CCT3: variants seen among roughly 807,000 people sequenced by gnomAD.
The protein encoded by CCT3 is chaperonin containing TCP1 subunit 3, also known as T-complex protein 1 subunit gamma.
CCT3 carries 10 observed loss-of-function variants against 65.3 expected under a neutral mutation model. The ratio of observed to expected loss-of-function variants is 0.15; its 90% CI spans 0.09 to 0.26. The LOEUF (loss-of-function observed/expected upper bound fraction) is 0.26. Ranked by LOEUF, CCT3 falls within the 10% of genes least tolerant of loss-of-function variation. The pLI, the probability that CCT3 is intolerant of heterozygous loss-of-function variation, is 1.00. For synonymous variants in CCT3, 225 were observed against 242.3 expected (o/e 0.93, Z 0.66); for missense variants, 626 against 708.7 (o/e 0.88, Z 1.33).
chr1:156,329,939 G>GA lies in CCT3; in HGVS notation c.304+3607dup, dbSNP rs758816481. 2.7e-3 allele frequency among the ~76,000 whole-genome samples: 360 copies of GA among 133,230 alleles called. 2 individuals are homozygous for GA. The highest frequency in any genetic ancestry group is 6.0e-3 in the South Asian group (25 of 4,166). 87.4% of individuals were successfully genotyped at this position (133,230 alleles called of 152,430 possible). A position where few individuals can be genotyped will look rare whatever the true frequency, so the allele number is the denominator to read the frequency against. ...GGGCGACAGTATGAAACTCTGTCTC[G>GA]AAAAAAAAAAAAGCAAAAGCCTGAG... On this transcript the variant is annotated intron_variant, in intron 5 of 13. Transcript: ENST00000295688.
intron 11 of CCT3, among the ~76,000 whole-genome samples, 182 bp downstream of exon 11, chr1:156,311,859 T>C (rs1664097794): frequency 6.6e-6 from 1 of 152,054 alleles, no homozygotes; most frequent in Admixed American, 6.6e-5. Flanking sequence ...ATTTTATGCT[T>C]ACTACAATTT....
At chr1:156,331,359 A>G (rs1438435385) in intron 5 of CCT3, among the ~76,000 whole-genome samples, 1 of 152,032 alleles carries the variant, frequency 6.6e-6, no homozygotes, top group African/African-American at 2.4e-5. Flanking sequence ...TAAGAACTTT[A>G]TTTTTAGGTA....
chr1:156,324,197 A>G, intron 6 of CCT3, among the ~76,000 whole-genome samples: 1 of 151,424 alleles, frequency 6.6e-6, no homozygotes, highest in Non-Finnish European at 1.5e-5. Context: ...CCTCCTGAAT[A>G]GCTGGGATTA....
chr1:156,333,291 C>CAAAAA (rs35038881), intron 5 of CCT3: 10 of 238,616 alleles, frequency 4.2e-5, no homozygotes, highest in South Asian at 1.9e-4. Flanking sequence ...GACTCTGTCT[C>CAAAAA]AAAAAAAAAA....
chr1:156,327,315 T>C (rs904930709), intron 5 of CCT3, among the ~76,000 whole-genome samples: 1 of 151,092 alleles, frequency 6.6e-6, no homozygotes, highest in Non-Finnish European at 1.5e-5. Flanking sequence ...TCTCCCTCTC[T>C]TTCCACGGTC....
chr1:156,310,085 T>C (rs986094738), intron 13 of CCT3, among the ~76,000 whole-genome samples: 1 of 146,372 alleles, frequency 6.8e-6, no homozygotes, highest in Non-Finnish European at 1.5e-5. Flanking sequence ...CCTAAGCAAG[T>C]GATACAGATT....
chr1:156,334,971 G>A, intron 2 of CCT3, 53 bp from the exon 3 acceptor site: 1 of 1,532,796 alleles, frequency 6.5e-7, no homozygotes, highest in Non-Finnish European at 9.0e-7. Context: ...GACAGTGTGA[G>A]AAATGTTGGA....
In CCT3 at chr1:156,337,868, G is replaced by T. The variant is rs1665507923; in HGVS notation, c.31+286C>A. ...GGCTAGAAAGGGCGCAGGGGCGGGG[G>T]AAGCGTGGGGGCTGAGGGACAGAAC... is the stretch of plus-strand genomic sequence containing the variant. On this transcript the variant is annotated intron_variant, in intron 1 of 13. Transcript: ENST00000295688. 7 of 503,482 alleles carry T rather than the reference G, an allele frequency of 1.4e-5. No homozygotes were observed. In the South Asian group the frequency reaches 2.1e-4, roughly 15 times the overall value. The allele number at this position is 503,482 out of a possible 1,614,324, so 31.2% of individuals were successfully genotyped here. A position where few individuals can be genotyped will look rare whatever the true frequency, so the allele number is the denominator to read the frequency against.
chr1:156,325,577 ATTTTTT>A (rs549653555), intron 5 of CCT3, among the ~76,000 whole-genome samples: 2 of 137,944 alleles, frequency 1.4e-5, no homozygotes, highest in African/African-American at 2.7e-5. Context: ...TATTCTTTTG[ATTTTTT>A]TTTTTTTTTT....
At chr1:156,328,884 T>C (rs1393429882) in intron 5 of CCT3, among the ~76,000 whole-genome samples, 2 of 152,162 alleles carry the variant, frequency 1.3e-5, no homozygotes, top group Middle Eastern at 3.4e-3. Flanking sequence ...AAAATGTACA[T>C]GTTATTCATT....
rs1307150850 is a variant in CCT3, at chr1:156,335,032, ATTTT to A, written c.94-118_94-115del. On this transcript the variant is annotated intron_variant, in intron 2 of 13. Coordinates refer to ENST00000295688, the MANE Select transcript of CCT3 (RefSeq NM_005998.5). ...ACCCACAGAGTCAGTGTTTTATTTT[ATTTT>A]AATTTTATTTTATTTTTAGATATGG... 6.0e-6 allele frequency: 5 copies of A among 832,514 alleles called. No individual in the cohort carries two copies. In the African/African-American group the frequency reaches 7.0e-5, roughly 12 times the overall value. The allele number at this position is 832,514 out of a possible 1,614,324, so 51.6% of individuals were successfully genotyped here.
intron 5 of CCT3, among the ~76,000 whole-genome samples, chr1:156,329,450 C>T (rs1035497260): frequency 1.4e-4 from 22 of 151,798 alleles, no homozygotes; most frequent in African/African-American, 5.3e-4. Flanking sequence ...GGACTACAGG[C>T]ACGCGCCACC....
At chr1:156,311,320 T>C (rs1664075911) in intron 11 of CCT3, 125 bp from the exon 12 acceptor site, 2 of 854,292 alleles carry the variant, frequency 2.3e-6, no homozygotes, top group African/African-American at 1.7e-5. Context: ...AAAAGGTCCT[T>C]GGAACCCCTA....
intron 5 of CCT3, among the ~76,000 whole-genome samples, chr1:156,331,003 G>A (rs1214114770): frequency 4.0e-5 from 6 of 151,890 alleles, no homozygotes; most frequent in African/African-American, 1.5e-4. Flanking sequence ...GGAGGCTGAG[G>A]CAGGTGGATC....
intron 10 of CCT3, among the ~76,000 whole-genome samples, chr1:156,315,556 G>C (rs1036101903): frequency 2.0e-5 from 3 of 152,138 alleles, no homozygotes; most frequent in East Asian, 1.9e-4. Flanking sequence ...TTATTTAAGG[G>C]AATACAGTAT....
At chr1:156,337,320 A>C in intron 1 of CCT3, 1 of 274,762 alleles carries the variant, frequency 3.6e-6, no homozygotes, top group South Asian at 2.8e-5. Context: ...AGGCAGGAGG[A>C]TCGCTTGAAC....
intron 12 of CCT3, 44 bp downstream of exon 12, chr1:156,310,906 G>C: frequency 6.3e-7 from 1 of 1,597,222 alleles, no homozygotes; most frequent in Non-Finnish European, 8.5e-7. Context: ...GGCAAACACA[G>C]CTTTCCCTGC....
chr1:156,311,291 C>G, intron 11 of CCT3, 96 bp from the exon 12 acceptor site: 1 of 1,266,178 alleles, frequency 7.9e-7, no homozygotes, highest in South Asian at 1.4e-5. Context: ...GTTAGTAAAC[C>G]ACCAAGGAGG....
intron 5 of CCT3, among the ~76,000 whole-genome samples, chr1:156,326,604 C>G (rs1352534722): frequency 1.5e-5 from 2 of 135,148 alleles, no homozygotes; most frequent in Admixed American, 1.7e-4. Context: ...GAGCCAAGAT[C>G]GTGCCATTGC....
Sources: allele counts gnomAD v4.1 joint callset (sites outside exome capture counted in the v4.1 genomes callset), GRCh38; gene constraint gnomAD v4.1.1; transcripts MANE v1.5; gene names NCBI Gene and HGNC (gene_info 2026-07-23, HGNC 2026-07-21).